MAGI2: variants seen among roughly 807,000 people sequenced by gnomAD.
MAGI2 encodes membrane-associated guanylate kinase, WW and PDZ domain-containing protein 2.
In MAGI2, 35 loss-of-function variants were observed where a neutral mutation model predicts 133.3. That is an observed-to-expected ratio of 0.26 (90% CI 0.20 to 0.35). The LOEUF (loss-of-function observed/expected upper bound fraction) is 0.35, where lower values mean the gene tolerates loss of function less well. Ranked by LOEUF, MAGI2 falls within the 10% of genes least tolerant of loss-of-function variation. The pLI is 1.00. For missense variants in MAGI2, 1,636 were observed against 1,863.4 expected, an observed-to-expected ratio of 0.88 and a Z score of 2.25; for synonymous variants, 729 against 710.6, an observed-to-expected ratio of 1.03 and a Z score of -0.41.
chr7:78,568,783 A>T (rs546836465), intron 3 of MAGI2, among the ~76,000 whole-genome samples: 1 of 152,038 alleles, frequency 6.6e-6, no homozygotes, highest in Non-Finnish European at 1.5e-5. Context: ...ATTATGCCTT[A>T]ATAAAGCTGA....
At position 79,189,465 on chromosome 7, in the gene MAGI2, T is replaced by C. The variant is rs77559154; in HGVS notation, c.302-182259A>G. ...ATGTGATACCCTATTTTTAAAAAATTGATAGACTTTATTTTTTAGAGTAGT... is the reference window on the plus strand; with the variant it reads ...ATGTGATACCCTATTTTTAAAAAATCGATAGACTTTATTTTTTAGAGTAGT... On this transcript the variant is annotated intron_variant, in intron 1 of 21. Transcript: ENST00000354212. Among the ~76,000 whole-genome samples the C allele has an allele frequency of 3.9e-5, 6 of 151,904 alleles. No individual in the cohort carries two copies. The East Asian group carries it at 1.2e-3, about 29-fold the overall frequency.
intron 1 of MAGI2, among the ~76,000 whole-genome samples, chr7:79,149,224 A>C (rs1160751718): frequency 1.3e-5 from 2 of 149,880 alleles, no homozygotes; most frequent in African/African-American, 4.9e-5. Flanking sequence ...ACCACGGTAT[A>C]CTTCTGGGCA....
intron 3 of MAGI2, among the ~76,000 whole-genome samples, chr7:78,580,747 T>C (rs1273726232): frequency 1.3e-5 from 2 of 152,198 alleles, no homozygotes; most frequent in African/African-American, 4.8e-5. Flanking sequence ...CTAAAGAGAA[T>C]GAGTTTTATC....
At chr7:79,406,784 A>C (rs1008153365) in intron 1 of MAGI2, among the ~76,000 whole-genome samples, 2 of 152,178 alleles carry the variant, frequency 1.3e-5, no homozygotes, top group Non-Finnish European at 2.9e-5. Flanking sequence ...AAGAAAACAG[A>C]AATGAACCTT....
At chr7:78,425,364 T>C (rs900385679) in intron 6 of MAGI2, among the ~76,000 whole-genome samples, 2 of 152,170 alleles carry the variant, frequency 1.3e-5, no homozygotes. Context: ...CTTTTGTCAA[T>C]TGCCCAGTCT....
chr7:79,395,148 AAGGAG>A (rs1844951662), intron 1 of MAGI2, among the ~76,000 whole-genome samples: 1 of 152,224 alleles, frequency 6.6e-6, no homozygotes, highest in Non-Finnish European at 1.5e-5. Context: ...AGTTTAAAGA[AAGGAG>A]AGGAAAGGCC....
At chr7:78,100,358 T>C (rs1028356592) in intron 20 of MAGI2, among the ~76,000 whole-genome samples, 4 of 152,122 alleles carry the variant, frequency 2.6e-5, no homozygotes, top group African/African-American at 9.7e-5. Flanking sequence ...GGCCACTTCT[T>C]TTTTTCTTTT....
intron 10 of MAGI2, 60 bp downstream of exon 10, chr7:78,255,883 T>C (rs1792916873): frequency 6.7e-7 from 1 of 1,492,470 alleles, no homozygotes; most frequent in African/African-American, 1.4e-5. Flanking sequence ...TTAACAATAT[T>C]ATTAAATGAT....
chr7:78,340,648 C>G (rs1790273052), intron 9 of MAGI2, among the ~76,000 whole-genome samples: 1 of 152,146 alleles, frequency 6.6e-6, no homozygotes, highest in African/African-American at 2.4e-5. Context: ...AAGGCTGGTT[C>G]AACATATGCA....
chr7:78,709,345 C>T (rs868220398), intron 2 of MAGI2, among the ~76,000 whole-genome samples: 2 of 151,954 alleles, frequency 1.3e-5, no homozygotes, highest in Non-Finnish European at 2.9e-5. Flanking sequence ...ATTTTGCTTC[C>T]TCTGTGCCTC....
At chr7:78,214,313 A>T (rs1002313295) in intron 10 of MAGI2, among the ~76,000 whole-genome samples, 3 of 152,178 alleles carry the variant, frequency 2.0e-5, no homozygotes, top group Non-Finnish European at 4.4e-5. Flanking sequence ...AATCTTTTTC[A>T]GTGTCATGCT....
intron 1 of MAGI2, among the ~76,000 whole-genome samples, chr7:79,109,555 A>G (rs1322495719): frequency 6.6e-6 from 1 of 152,244 alleles, no homozygotes; most frequent in African/African-American, 2.4e-5. Flanking sequence ...ACAGGAGCAA[A>G]TATATAACTT....
At chr7:78,540,266 TG>T (rs2150665982) in intron 3 of MAGI2, among the ~76,000 whole-genome samples, 1 of 152,298 alleles carries the variant, frequency 6.6e-6, no homozygotes, top group African/African-American at 2.4e-5. Flanking sequence ...TAGCCACTGT[TG>T]GGGATGGGGT....
At chr7:79,054,818 TC>T (rs1302748538) in intron 1 of MAGI2, among the ~76,000 whole-genome samples, 18 of 152,138 alleles carry the variant, frequency 1.2e-4, no homozygotes, top group African/African-American at 4.3e-4. Flanking sequence ...ACAGACGGAG[TC>T]CCGCTCTGTC....
chr7:79,404,030 A>G (rs953395591), intron 1 of MAGI2, among the ~76,000 whole-genome samples: 1 of 152,190 alleles, frequency 6.6e-6, no homozygotes, highest in Admixed American at 6.6e-5. Flanking sequence ...TCCTGTCTAT[A>G]GGGATGACAA....
chr7:78,438,767 T>G (rs1007842208), intron 6 of MAGI2, among the ~76,000 whole-genome samples: 1 of 152,196 alleles, frequency 6.6e-6, no homozygotes. Flanking sequence ...CCACAAAACA[T>G]GAATTTCTAA....
chr7:79,365,667 G>A (rs1201025605), intron 1 of MAGI2, among the ~76,000 whole-genome samples: 1 of 151,854 alleles, frequency 6.6e-6, no homozygotes, highest in African/African-American at 2.4e-5. Flanking sequence ...AAACCAGTCT[G>A]GCCAATATGA....
At chr7:78,653,633 A>C (rs1811814890) in intron 2 of MAGI2, among the ~76,000 whole-genome samples, 1 of 151,436 alleles carries the variant, frequency 6.6e-6, no homozygotes, top group Non-Finnish European at 1.5e-5. Flanking sequence ...GGGGCCTGTC[A>C]GGGGTTTGGG....
At chr7:79,228,299 C>T (rs1195697972) in intron 1 of MAGI2, among the ~76,000 whole-genome samples, 1 of 133,052 alleles carries the variant, frequency 7.5e-6, no homozygotes, top group Non-Finnish European at 1.6e-5. Context: ...ACTATGATAA[C>T]ACCACTGCAC....
Sources: allele counts gnomAD v4.1 joint callset (sites outside exome capture counted in the v4.1 genomes callset), GRCh38; gene constraint gnomAD v4.1.1; transcripts MANE v1.5; gene names NCBI Gene and HGNC (gene_info 2026-07-23, HGNC 2026-07-21).